The following SOCS2 variants were observed in gnomAD, a reference collection of about 807,000 sequenced individuals.
SOCS2 encodes the protein CIS-2.
Under a neutral mutation model 18.6 loss-of-function variants are expected in SOCS2, and 10 were observed. The ratio of observed to expected loss-of-function variants is 0.54; its 90% CI spans 0.33 to 0.91. SOCS2 has a LOEUF of 0.91. SOCS2 is among the 40% of genes least tolerant of loss of function. The pLI is 0.02. For missense variants in SOCS2, 231 were observed against 247.2 expected (o/e 0.93, Z 0.44); for synonymous variants, 104 against 104.0 (o/e 1.00, Z 0.00).
chr12:93,582,719 T>C (rs1302171505), intron 1 of SOCS2, among the ~76,000 whole-genome samples: 2 of 152,184 alleles, frequency 1.3e-5, no homozygotes, highest in Admixed American at 6.5e-5. Context: ...ATTGGAAAAC[T>C]TGGGGTCCAC....
chr12:93,576,288 G>A lies in SOCS2; in HGVS notation c.*1109G>A, dbSNP rs1018680299. 2.0e-5 allele frequency: 3 copies of A among 152,608 alleles called. No individual in the cohort carries two copies. Among genetic ancestry groups the A allele is most frequent in the Non-Finnish European group, 4.4e-5 (3 of 68,036 alleles). 9.5% of individuals were successfully genotyped at this position (152,608 alleles called of 1,614,324 possible). On this transcript the variant is annotated 3_prime_UTR_variant, in exon 2 of 2. Coordinates refer to ENST00000551556, the MANE Select transcript of SOCS2 (RefSeq NM_001270471.2). ...TAAAAACTTACGTCAAGTGAAATAA[G>A]CCAATTATTCAACAAAAGGTAGAAC...
chr12:93,606,923 C>T, the SOCS2 span, among the ~76,000 whole-genome samples: 6 of 152,108 alleles, frequency 3.9e-5, no homozygotes, highest in African/African-American at 1.4e-4. Context: ...AAAATGCTGA[C>T]CTTACAGGCG....
At chr12:93,624,767 TG>T in the SOCS2 span, among the ~76,000 whole-genome samples, 2 of 152,082 alleles carry the variant, frequency 1.3e-5, no homozygotes, top group Non-Finnish European at 1.5e-5. Context: ...CCCATTAAGT[TG>T]GGGGCAGGGT....
At chr12:93,592,862 G>C in the SOCS2 span, among the ~76,000 whole-genome samples, 7 of 149,278 alleles carry the variant, frequency 4.7e-5, no homozygotes, top group Non-Finnish European at 1.0e-4. Context: ...TCTATGCCTT[G>C]ACTGTGGCTT....
chr12:93,590,783 CAAAAAAAAAAAAAAAAAA>C, the SOCS2 span, among the ~76,000 whole-genome samples: 15 of 38,954 alleles, frequency 3.9e-4, no homozygotes, highest in South Asian at 1.2e-3. Context: ...GACTCCGCCT[CAAAAAAAAAAAAAAAAAA>C]AAAAAAAAAA....
chr12:93,614,427 T>TTCCC, the SOCS2 span, among the ~76,000 whole-genome samples: 1 of 78,304 alleles, frequency 1.3e-5, no homozygotes, highest in African/African-American at 6.5e-5. Flanking sequence ...CTTCCTTTCT[T>TTCCC]TCCCTTCCTT....
chr12:93,614,365 CTTTCT>C, the SOCS2 span, among the ~76,000 whole-genome samples: 1 of 31,010 alleles, frequency 3.2e-5, no homozygotes, highest in African/African-American at 8.2e-5. Context: ...AATTTTCCTT[CTTTCT>C]TTCTTTCTTT....
downstream of SOCS2, among the ~76,000 whole-genome samples, chr12:93,588,392 T>C (rs1268906677): frequency 6.6e-6 from 1 of 152,202 alleles, no homozygotes; most frequent in East Asian, 1.9e-4. Flanking sequence ...ATATTTACAT[T>C]TTAATATAAT....
At chr12:93,617,601 T>C in the SOCS2 span, among the ~76,000 whole-genome samples, 1 of 152,108 alleles carries the variant, frequency 6.6e-6, no homozygotes, top group Non-Finnish European at 1.5e-5. Flanking sequence ...AATTATGTGA[T>C]AATACTCTTC....
At chr12:93,623,967 G>C in the SOCS2 span, among the ~76,000 whole-genome samples, 1 of 152,138 alleles carries the variant, frequency 6.6e-6, no homozygotes, top group Non-Finnish European at 1.5e-5. Context: ...GCCTCCCAAA[G>C]TGCTGGGATT....
At chr12:93,572,627 C>G (rs895096714), upstream of SOCS2, 3 of 669,666 alleles carry the variant, frequency 4.5e-6, no homozygotes, top group Non-Finnish European at 8.2e-6. This position sits in a 1 kb window ranked among gnomAD's most constrained non-coding sequence, Gnocchi z 5.0. Flanking sequence ...TCCCCACCCC[C>G]ACCCCAGCCG....
At chr12:93,607,746 T>C in the SOCS2 span, among the ~76,000 whole-genome samples, 3 of 152,192 alleles carry the variant, frequency 2.0e-5, no homozygotes, top group Non-Finnish European at 2.9e-5. Flanking sequence ...AAATACGCTG[T>C]CATTTGTTTG....
At chr12:93,584,998 G>A (rs1954575323), downstream of SOCS2, among the ~76,000 whole-genome samples, 1 of 152,020 alleles carries the variant, frequency 6.6e-6, no homozygotes, top group Admixed American at 6.6e-5. Context: ...CCTGACCTCA[G>A]GTGATTCACC....
At chr12:93,615,164 T>A in the SOCS2 span, among the ~76,000 whole-genome samples, 1 of 152,202 alleles carries the variant, frequency 6.6e-6, no homozygotes, top group Non-Finnish European at 1.5e-5. Flanking sequence ...CTGCCCTTGC[T>A]TGACATTCTG....
In SOCS2 at chr12:93,573,084, A is replaced by G. The variant is rs760185745; in HGVS notation, c.139+48A>G. The G allele has an allele frequency of 3.0e-5, 47 of 1,541,976 alleles. No homozygotes were observed. The South Asian group carries it at 4.9e-4, about 16-fold the overall frequency. Reference sequence around the variant, plus strand: ...CGCGTGCGGGAGGGAGCGCCTCCCCAAGGAAGCAGCTAGGAAGCGGGGTCG... The same window carrying G: ...CGCGTGCGGGAGGGAGCGCCTCCCCGAGGAAGCAGCTAGGAAGCGGGGTCG... On this transcript the variant is annotated intron_variant, in intron 1 of 1. Coordinates refer to ENST00000551556, the MANE Select transcript of SOCS2 (RefSeq NM_001270471.2).
At chr12:93,614,405 CTTTCTTT>C in the SOCS2 span, among the ~76,000 whole-genome samples, 7 of 140,892 alleles carry the variant, frequency 5.0e-5, no homozygotes, top group Admixed American at 3.6e-4. Context: ...TTCTTTCTTT[CTTTCTTT>C]CTTTCTTCCT....
chr12:93,573,062 G>T (rs1346697079), intron 1 of SOCS2, 26 bp downstream of exon 1: 1 of 1,552,116 alleles, frequency 6.4e-7, no homozygotes, highest in Non-Finnish European at 8.7e-7. Context: ...GCCGCGACGC[G>T]TGCGGGAGGG....
downstream of SOCS2, chr12:93,583,569 T>C (rs755160740): frequency 3.3e-5 from 5 of 152,096 alleles, no homozygotes; most frequent in Admixed American, 6.5e-5. Flanking sequence ...CTGGTCTTGA[T>C]AGTCAAGGAG....
chr12:93,573,035 A>T lies in SOCS2; in HGVS notation c.138A>T (p.Thr46=), dbSNP rs1431353916. The T allele has an allele frequency of 3.8e-6, 6 of 1,564,294 alleles. No homozygotes were observed. Among genetic ancestry groups the T allele is most frequent in the South Asian group, 1.2e-5 (1 of 85,790 alleles). The change falls in exon 1 of 2, where the codon ACA becomes ACT. Residue 46 remains threonine (T), a splice_region_variant and synonymous_variant. Transcript: ENST00000551556. The part of the protein sequence containing the change: ...LAKALRELGQ[T]GWYWGSMTVN... The stretch of plus-strand genomic sequence containing the variant: ...AGGCCCTGCGGGAGCTCGGTCAGAC[A>T]GGTAGGGAGCCGATCGGCCGCGACG...
Sources: allele counts gnomAD v4.1 joint callset (sites outside exome capture counted in the v4.1 genomes callset), GRCh38; gene constraint gnomAD v4.1.1; non-coding constraint Gnocchi (gnomAD v3.1); transcripts MANE v1.5; gene names NCBI Gene and HGNC (gene_info 2026-07-23, HGNC 2026-07-21).